The following RARB variants were observed in gnomAD, a reference collection of about 807,000 sequenced individuals.
RARB encodes the protein retinoic acid receptor beta.
A neutral mutation model predicts 51.9 loss-of-function variants in RARB; 17 were observed. That is an observed-to-expected ratio of 0.33 (90% CI 0.22 to 0.49). The LOEUF (loss-of-function observed/expected upper bound fraction) is 0.49, where lower values mean the gene tolerates loss of function less well. Ranked by LOEUF, RARB falls within the 20% of genes least tolerant of loss-of-function variation. The probability of loss-of-function intolerance (pLI) is 0.99; values close to 1 mark genes in which losing one functional copy is unlikely to be tolerated. For synonymous variants in RARB, 215 were observed against 195.4 expected, an observed-to-expected ratio of 1.10 and a Z score of -0.84; for missense variants, 369 against 550.8, an observed-to-expected ratio of 0.67 and a Z score of 3.30.
chr3:25,303,243 G>T (rs1704082207), intron 5 of RARB, among the ~76,000 whole-genome samples: 1 of 152,188 alleles, frequency 6.6e-6, no homozygotes. Flanking sequence ...AAGTCAGAGA[G>T]ATTGTGACCC....
At chr3:25,454,103 T>G (rs780921323) in intron 1 of RARB, among the ~76,000 whole-genome samples, 1 of 152,232 alleles carries the variant, frequency 6.6e-6, no homozygotes, top group Non-Finnish European at 1.5e-5. Context: ...GTATGGAGTC[T>G]TCCCGTGCCC....
At chr3:25,566,461 A>G (rs1559470753) in intron 3 of RARB, among the ~76,000 whole-genome samples, 1 of 152,154 alleles carries the variant, frequency 6.6e-6, no homozygotes, top group Non-Finnish European at 1.5e-5. Flanking sequence ...GCTGCTCCAA[A>G]TTGGGCCCAA....
At position 25,242,578 on chromosome 3, in the gene RARB, C is replaced by CT. The variant is rs573270096; in HGVS notation, c.178+68011dup. On this transcript the variant is annotated intron_variant, in intron 5 of 11. Coordinates refer to the RARB transcript ENST00000383772. ...TAAATAGGGAATCCTTTTCCCATTGCTTTTTTTTCTGTCAGGTTCATCAAA... is the reference window on the plus strand; with the variant it reads ...TAAATAGGGAATCCTTTTCCCATTGCTTTTTTTTTCTGTCAGGTTCATCAAA... Among the ~76,000 whole-genome samples the CT allele has an allele frequency of 5.0e-4, 76 of 151,888 alleles. 1 individual carries two copies. The East Asian group carries it at 6.2e-3, about 12-fold the overall frequency.
intron 4 of RARB, among the ~76,000 whole-genome samples, chr3:25,573,529 C>A (rs1700796244): frequency 6.6e-6 from 1 of 152,240 alleles, no homozygotes; most frequent in Non-Finnish European, 1.5e-5. Flanking sequence ...GCCAGTCTCG[C>A]AGCTGACCGT....
At chr3:25,100,264 T>C (rs564482625) in intron 3 of RARB, among the ~76,000 whole-genome samples, 1 of 152,138 alleles carries the variant, frequency 6.6e-6, no homozygotes, top group African/African-American at 2.4e-5. Flanking sequence ...AGGAAATAAA[T>C]GATAAGTAAT....
At chr3:25,067,199 A>G (rs1310365108) in intron 3 of RARB, among the ~76,000 whole-genome samples, 1 of 152,192 alleles carries the variant, frequency 6.6e-6, no homozygotes, top group African/African-American at 2.4e-5. Flanking sequence ...TCCTTGTCAT[A>G]TTAAAGGCAA....
chr3:25,566,971 C>T (rs866891578), intron 3 of RARB, among the ~76,000 whole-genome samples: 1 of 152,186 alleles, frequency 6.6e-6, no homozygotes, highest in African/African-American at 2.4e-5. Context: ...GGATTCTTCA[C>T]CTGCTGATGC....
intron 3 of RARB, among the ~76,000 whole-genome samples, chr3:25,127,782 A>G (rs1230691708): frequency 6.6e-6 from 1 of 152,122 alleles, no homozygotes; most frequent in Admixed American, 6.6e-5. Context: ...TTATTTTCCC[A>G]TGGTCTAGGG....
intron 2 of RARB, among the ~76,000 whole-genome samples, chr3:24,991,442 TC>T (rs1696907370): frequency 8.8e-6 from 1 of 113,462 alleles, no homozygotes; most frequent in African/African-American, 3.8e-5. Flanking sequence ...AAACTCTGTC[TC>T]AAAAAAAAAA....
intron 3 of RARB, among the ~76,000 whole-genome samples, chr3:25,091,141 C>T (rs1245984175): frequency 1.3e-5 from 2 of 152,138 alleles, no homozygotes; most frequent in Non-Finnish European, 2.9e-5. Flanking sequence ...CTTTATAGAA[C>T]AACAAGTCAG....
chr3:25,499,671 A>G (rs771582067), intron 2 of RARB, among the ~76,000 whole-genome samples: 5 of 152,220 alleles, frequency 3.3e-5, no homozygotes, highest in Non-Finnish European at 7.3e-5. Context: ...TGTTTAGTAA[A>G]CACATGCCAA....
At chr3:25,176,663 G>C (rs991870320) in intron 5 of RARB, among the ~76,000 whole-genome samples, 1 of 151,938 alleles carries the variant, frequency 6.6e-6, no homozygotes, top group Non-Finnish European at 1.5e-5. Flanking sequence ...CAAAGTGCTA[G>C]GATTATAGGC....
chr3:25,343,024 T>TG (rs1705278428), intron 5 of RARB, among the ~76,000 whole-genome samples: 33 of 132,154 alleles, frequency 2.5e-4, no homozygotes, highest in African/African-American at 9.7e-4. Flanking sequence ...TGCAAGTACT[T>TG]TGTGTGTGTG....
chr3:25,577,050 A>T (rs1700965376), intron 4 of RARB, among the ~76,000 whole-genome samples: 1 of 152,184 alleles, frequency 6.6e-6, no homozygotes, highest in Non-Finnish European at 1.5e-5. Flanking sequence ...AAGGAGGGAG[A>T]TCACAGATGC....
intron 5 of RARB, among the ~76,000 whole-genome samples, chr3:25,254,483 C>T (rs1194722392): frequency 6.6e-6 from 1 of 152,054 alleles, no homozygotes; most frequent in Non-Finnish European, 1.5e-5. Flanking sequence ...CTGAAAAATG[C>T]ATCAAGAATA....
intron 2 of RARB, among the ~76,000 whole-genome samples, chr3:24,920,179 GGCAATTA>G (rs1341397165): frequency 8.5e-5 from 13 of 152,124 alleles, no homozygotes; most frequent in African/African-American, 3.1e-4. Flanking sequence ...CTTTTAATTT[GGCAATTA>G]GCAGCACCAT....
At chr3:25,540,839 C>T (rs998805011) in intron 3 of RARB, among the ~76,000 whole-genome samples, 1 of 152,160 alleles carries the variant, frequency 6.6e-6, no homozygotes, top group Non-Finnish European at 1.5e-5. Flanking sequence ...ATCACTCCTA[C>T]TAGCTTGTTG....
intron 5 of RARB, among the ~76,000 whole-genome samples, chr3:25,190,704 C>G (rs1319965935): frequency 6.6e-6 from 1 of 152,114 alleles, no homozygotes; most frequent in Non-Finnish European, 1.5e-5. Flanking sequence ...AAAGGAACCT[C>G]AAAGAGAAAG....
At chr3:25,165,977 C>G (rs550665681) in intron 4 of RARB, among the ~76,000 whole-genome samples, 7 of 152,026 alleles carry the variant, frequency 4.6e-5, no homozygotes, top group Admixed American at 2.6e-4. Context: ...CAGGGACATT[C>G]TTTCTAAGCT....
Sources: allele counts gnomAD v4.1 joint callset (sites outside exome capture counted in the v4.1 genomes callset), GRCh38; gene constraint gnomAD v4.1.1; transcripts MANE v1.5; gene names NCBI Gene and HGNC (gene_info 2026-07-23, HGNC 2026-07-21).